Variants in RNGTT observed in about 807,000 individuals in gnomAD.
RNGTT encodes mRNA-capping enzyme.
In RNGTT, 33 loss-of-function variants were observed where a neutral mutation model predicts 79.3. The ratio of observed to expected loss-of-function variants is 0.42; its 90% CI spans 0.32 to 0.56. RNGTT has a LOEUF of 0.56. Among genes scored for constraint, RNGTT ranks in the 20% least tolerant of loss-of-function variants. The pLI, the probability that RNGTT is intolerant of heterozygous loss-of-function variation, is 0.17. For missense variants in RNGTT, 497 were observed against 739.1 expected, an observed-to-expected ratio of 0.67 and a Z score of 3.80; for synonymous variants, 222 against 235.9, an observed-to-expected ratio of 0.94 and a Z score of 0.54.
At chr6:88,928,454 G>T (rs1237846375) in intron 4 of RNGTT, among the ~76,000 whole-genome samples, 2 of 152,112 alleles carry the variant, frequency 1.3e-5, no homozygotes, top group Non-Finnish European at 2.9e-5. Flanking sequence ...GTAAGAGCAG[G>T]ATGTTTTTTT....
At chr6:88,758,017 A>G (rs917966370) in intron 13 of RNGTT, among the ~76,000 whole-genome samples, 3 of 152,192 alleles carry the variant, frequency 2.0e-5, no homozygotes, top group Non-Finnish European at 2.9e-5. Flanking sequence ...TAAGTGATTT[A>G]AAAGATTTCA....
At chr6:88,650,058 T>A (rs1350366117) in intron 14 of RNGTT, among the ~76,000 whole-genome samples, 5 of 152,216 alleles carry the variant, frequency 3.3e-5, no homozygotes, top group African/African-American at 1.2e-4. Flanking sequence ...TGTCAGACTT[T>A]GCTTAAGATT....
chr6:88,638,199 A>T (rs1486047173), intron 14 of RNGTT, among the ~76,000 whole-genome samples: 1 of 152,158 alleles, frequency 6.6e-6, no homozygotes, highest in East Asian at 1.9e-4. Context: ...CTTTCAGATA[A>T]CATATAGTTT....
chr6:88,851,547 T>C (rs921076494), intron 9 of RNGTT, among the ~76,000 whole-genome samples: 2 of 152,060 alleles, frequency 1.3e-5, no homozygotes, highest in South Asian at 4.1e-4. Context: ...AGTCTCAATA[T>C]TAAGTTGATT....
chr6:88,778,889 T>C (rs553895069), intron 12 of RNGTT, among the ~76,000 whole-genome samples: 2 of 152,306 alleles, frequency 1.3e-5, no homozygotes, highest in African/African-American at 4.8e-5. Context: ...AAATCAAATA[T>C]ATAATTTTTC....
intron 13 of RNGTT, among the ~76,000 whole-genome samples, chr6:88,698,714 A>C (rs1361730498): frequency 3.9e-5 from 6 of 152,154 alleles, no homozygotes; most frequent in African/African-American, 1.2e-4. Flanking sequence ...CTATATTGTC[A>C]GTCTTAAGTT....
Position 88,853,867 on chromosome 6 carries a change from A to T in RNGTT, c.897-103T>A, listed in dbSNP as rs369086272. 1.6e-4 allele frequency: 97 copies of T among 607,388 alleles called. No homozygotes were observed. The East Asian group carries it at 1.9e-3, about 12-fold the overall frequency. The allele number at this position is 607,388 out of a possible 1,614,324, so 37.6% of individuals were successfully genotyped here. A position where few individuals can be genotyped will look rare whatever the true frequency, so the allele number is the denominator to read the frequency against. On this transcript the variant is annotated intron_variant, in intron 8 of 15. Transcript: ENST00000369485. Reference sequence around the variant, plus strand: ...TTCCATAGACCTTAAACATCTGTAGACTAATGTTCACTGGAGTCTCTTTAT... The same window carrying T: ...TTCCATAGACCTTAAACATCTGTAGTCTAATGTTCACTGGAGTCTCTTTAT...
intron 1 of RNGTT, among the ~76,000 whole-genome samples, chr6:88,958,449 G>GA (rs1214071346): frequency 6.6e-6 from 1 of 152,176 alleles, no homozygotes; most frequent in Non-Finnish European, 1.5e-5. Flanking sequence ...CAGAGTGGGA[G>GA]AAAATCTTCG....
At chr6:88,828,378 C>T (rs1327648319) in intron 11 of RNGTT, among the ~76,000 whole-genome samples, 1 of 152,126 alleles carries the variant, frequency 6.6e-6, no homozygotes, top group Non-Finnish European at 1.5e-5. Context: ...TCAGAAACCC[C>T]ATCCGAAGGT....
chr6:88,712,829 T>C (rs947883607), intron 13 of RNGTT, among the ~76,000 whole-genome samples: 4 of 152,160 alleles, frequency 2.6e-5, no homozygotes, highest in Admixed American at 1.3e-4. Flanking sequence ...ATCTCAGGAA[T>C]AGGAGAAAGT....
At chr6:88,648,535 T>C (rs779380757) in intron 14 of RNGTT, among the ~76,000 whole-genome samples, 1 of 152,052 alleles carries the variant, frequency 6.6e-6, no homozygotes, top group Non-Finnish European at 1.5e-5. Context: ...CATCCTATTA[T>C]CTCCCTATAC....
chr6:88,770,290 G>A (rs1778606839), intron 12 of RNGTT, among the ~76,000 whole-genome samples: 1 of 152,118 alleles, frequency 6.6e-6, no homozygotes, highest in Admixed American at 6.6e-5. Flanking sequence ...TTTCAAGGAT[G>A]TGAAAAAATT....
intron 13 of RNGTT, among the ~76,000 whole-genome samples, chr6:88,685,098 A>G (rs1172666683): frequency 6.6e-6 from 1 of 152,196 alleles, no homozygotes; most frequent in Non-Finnish European, 1.5e-5. Context: ...AGGCAAAACT[A>G]TAGCGGCAAG....
At chr6:88,639,943 G>A (rs1034381493) in intron 14 of RNGTT, among the ~76,000 whole-genome samples, 12 of 152,072 alleles carry the variant, frequency 7.9e-5, no homozygotes, top group South Asian at 2.1e-4. Context: ...CCTTCAATTC[G>A]TGGCTTAAAA....
intron 1 of RNGTT, among the ~76,000 whole-genome samples, chr6:88,951,144 C>CCACCG (rs1239840756): frequency 1.3e-5 from 2 of 152,100 alleles, no homozygotes; most frequent in Non-Finnish European, 2.9e-5. Flanking sequence ...TAGGTGTGAG[C>CCACCG]CACCGCACCT....
At position 88,901,495 on chromosome 6, in the gene RNGTT, C is replaced by CTTTTTT. The variant is rs71024314; in HGVS notation, c.684+3214_684+3219dup. On this transcript the variant is annotated intron_variant, in intron 6 of 15. Transcript: ENST00000369485. ...AAAAATAACTGTCAAGCACCCTGAT[C>CTTTTTT]TTTTTTTTTTTTTTTTTTTTTTTTT... Among the ~76,000 whole-genome samples, 181 of 65,814 alleles carry CTTTTTT rather than the reference C, an allele frequency of 2.8e-3. 25 individuals are homozygous for CTTTTTT. The highest frequency in any genetic ancestry group is 9.2e-3 in the African/African-American group (130 of 14,064). 43.2% of individuals were successfully genotyped at this position (65,814 alleles called of 152,430 possible).
chr6:88,687,724 A>AG (rs1775329927), intron 13 of RNGTT, among the ~76,000 whole-genome samples: 1 of 132,538 alleles, frequency 7.5e-6, no homozygotes, highest in South Asian at 2.2e-4. Context: ...GAAAAAGTAC[A>AG]AAACATTCAT....
intron 13 of RNGTT, among the ~76,000 whole-genome samples, chr6:88,708,326 C>T (rs1020049748): frequency 6.6e-6 from 1 of 152,086 alleles, no homozygotes; most frequent in Non-Finnish European, 1.5e-5. Context: ...CTTAGCTCCC[C>T]GGGGTTGCCT....
intron 14 of RNGTT, among the ~76,000 whole-genome samples, chr6:88,614,847 A>C (rs562561577): frequency 6.6e-6 from 1 of 152,218 alleles, no homozygotes; most frequent in South Asian, 2.1e-4. Context: ...AAAGTTACAT[A>C]TCAATAGTGA....
Sources: allele counts gnomAD v4.1 joint callset (sites outside exome capture counted in the v4.1 genomes callset), GRCh38; gene constraint gnomAD v4.1.1; transcripts MANE v1.5; gene names NCBI Gene and HGNC (gene_info 2026-07-23, HGNC 2026-07-21).